The following PAX8 variants were observed in gnomAD, a reference collection of about 807,000 sequenced individuals.
The protein encoded by PAX8 is paired box protein Pax-8.
A neutral mutation model predicts 52.4 loss-of-function variants in PAX8; 15 were observed. That is an observed-to-expected ratio of 0.29 (90% confidence interval 0.19 to 0.44). PAX8 has a LOEUF of 0.44. Among genes scored for constraint, PAX8 ranks in the 20% least tolerant of loss-of-function variants. The pLI is 1.00. For missense variants in PAX8, 554 were observed against 602.5 expected (o/e 0.92, Z 0.84); for synonymous variants, 284 against 249.7 (o/e 1.14, Z -1.29).
chr2:113,228,866 A>C (rs1374631236), intron 9 of PAX8, among the ~76,000 whole-genome samples: 1 of 152,210 alleles, frequency 6.6e-6, no homozygotes, highest in African/African-American at 2.4e-5. Context: ...GAAGGGAAGG[A>C]AGGCCCCATG....
At chr2:113,275,248 T>A (rs1177396337) in intron 2 of PAX8, 2 of 152,232 alleles carry the variant, frequency 1.3e-5, no homozygotes, top group African/African-American at 4.8e-5. Flanking sequence ...GATACTTATC[T>A]TAAAACTAAT....
chr2:113,278,309 C>T, intron 2 of PAX8, 61 bp downstream of exon 2: 4 of 1,306,304 alleles, frequency 3.1e-6, no homozygotes, highest in Non-Finnish European at 4.4e-6. Flanking sequence ...ACCACCCGAG[C>T]GCACGCACGG....
intron 9 of PAX8, among the ~76,000 whole-genome samples, chr2:113,234,939 G>C (rs960318368): frequency 6.6e-5 from 10 of 152,180 alleles, no homozygotes; most frequent in Admixed American, 5.9e-4. Flanking sequence ...TGTCCTCCCG[G>C]TGATGCTGTT....
At chr2:113,276,609 T>C (rs1475767981) in intron 2 of PAX8, 1 of 151,630 alleles carries the variant, frequency 6.6e-6, no homozygotes, top group Non-Finnish European at 1.5e-5. Flanking sequence ...CTTTCCATAC[T>C]CTATTTCCAT....
At chr2:113,225,988 G>A in intron 10 of PAX8, 1 of 985,484 alleles carries the variant, frequency 1.0e-6, no homozygotes, top group Non-Finnish European at 1.2e-6. Flanking sequence ...GGACAGAGGA[G>A]TCAGTATTCT....
chr2:113,221,553 T>G (rs570421874), intron 10 of PAX8, among the ~76,000 whole-genome samples: 1 of 152,240 alleles, frequency 6.6e-6, no homozygotes, highest in Non-Finnish European at 1.5e-5. Context: ...CCCTATCTCA[T>G]TTGGTTTAAT....
At chr2:113,234,501 G>C (rs111316344) in intron 9 of PAX8, among the ~76,000 whole-genome samples, 1 of 152,148 alleles carries the variant, frequency 6.6e-6, no homozygotes, top group Non-Finnish European at 1.5e-5. Flanking sequence ...GGTGCTTCCA[G>C]ATTTACTTAT....
chr2:113,229,303 C>A (rs1288556229), intron 9 of PAX8, among the ~76,000 whole-genome samples: 1 of 152,180 alleles, frequency 6.6e-6, no homozygotes. Context: ...TAGCTGTAGG[C>A]ACCTTATTAC....
chr2:113,251,129 T>C (rs1253834410), intron 2 of PAX8, among the ~76,000 whole-genome samples: 2 of 152,038 alleles, frequency 1.3e-5, no homozygotes, highest in Admixed American at 6.5e-5. Flanking sequence ...TGGTTTGAAG[T>C]TTTAAGCTGA....
chr2:113,256,474 A>T (rs1692253609), intron 2 of PAX8, among the ~76,000 whole-genome samples: 1 of 152,226 alleles, frequency 6.6e-6, no homozygotes, highest in South Asian at 2.1e-4. Context: ...GACAAGAGCC[A>T]CATACAACAA....
chr2:113,242,830 C>T (rs1440780441), intron 4 of PAX8, 52 bp from the exon 5 acceptor site: 1 of 1,421,246 alleles, frequency 7.0e-7, no homozygotes, highest in Non-Finnish European at 1.0e-6. Flanking sequence ...AAAGAGAACT[C>T]ATGGCTGCCC....
At chr2:113,224,819 A>AAAAAT (rs1302291589) in intron 10 of PAX8, among the ~76,000 whole-genome samples, 3 of 146,472 alleles carry the variant, frequency 2.0e-5, no homozygotes, top group African/African-American at 5.1e-5. Context: ...AATAAAATAA[A>AAAAAT]AAAATAAAAT....
intron 10 of PAX8, among the ~76,000 whole-genome samples, chr2:113,223,446 C>T (rs1050126633): frequency 6.6e-6 from 1 of 152,188 alleles, no homozygotes; most frequent in African/African-American, 2.4e-5. Flanking sequence ...GGTCTTTGTG[C>T]TTTCTCTCTT....
chr2:113,216,816 A>G lies in PAX8; in HGVS notation c.*1717T>C. ...TGGGTAAAAGCGTTGGGCTTAGAGT[A>G]AGAGGACTTGGTTGAATCTACTACT... On this transcript the variant is annotated 3_prime_UTR_variant, in exon 12 of 12. Coordinates refer to ENST00000429538, the MANE Select transcript of PAX8 (RefSeq NM_003466.4). 1 of 228,930 alleles carries G rather than the reference A, an allele frequency of 4.4e-6. No individual in the cohort carries two copies. Among genetic ancestry groups the G allele is most frequent in the Non-Finnish European group, 8.7e-6 (1 of 115,322 alleles). 14.2% of individuals were successfully genotyped at this position (228,930 alleles called of 1,614,324 possible).
chr2:113,234,315 C>T (rs1326780780), intron 9 of PAX8, among the ~76,000 whole-genome samples: 1 of 152,178 alleles, frequency 6.6e-6, no homozygotes, highest in Non-Finnish European at 1.5e-5. Context: ...GCTGGATGAG[C>T]GAAGGTCCTT....
intron 2 of PAX8, chr2:113,251,050 G>A (rs1691718603): frequency 6.6e-6 from 1 of 152,252 alleles, no homozygotes; most frequent in South Asian, 2.1e-4. Flanking sequence ...GACATTTAGT[G>A]TGGCTGTAGG....
chr2:113,240,756 A>G (rs1247964055), intron 7 of PAX8: 2 of 153,028 alleles, frequency 1.3e-5, no homozygotes, highest in African/African-American at 4.8e-5. Context: ...TTCATTCACT[A>G]TACCATTACT....
At chr2:113,277,223 G>T in intron 2 of PAX8, among the ~76,000 whole-genome samples, 1 of 152,176 alleles carries the variant, frequency 6.6e-6, no homozygotes. Flanking sequence ...GCATTCGTCT[G>T]CAGCTCTAGA....
At chr2:113,223,728 C>G (rs1689388399) in intron 10 of PAX8, among the ~76,000 whole-genome samples, 1 of 152,216 alleles carries the variant, frequency 6.6e-6, no homozygotes, top group African/African-American at 2.4e-5. Context: ...ATTGTCTTCA[C>G]AGACAATAAA....
Sources: allele counts gnomAD v4.1 joint callset (sites outside exome capture counted in the v4.1 genomes callset), GRCh38; gene constraint gnomAD v4.1.1; transcripts MANE v1.5; gene names NCBI Gene and HGNC (gene_info 2026-07-23, HGNC 2026-07-21).